GPR39: variants seen among roughly 807,000 people sequenced by gnomAD.
GPR39 encodes G protein-coupled receptor 39, also known as zinc sensing receptor.
Under a neutral mutation model 18.4 loss-of-function variants are expected in GPR39, and 23 were observed. That is an observed-to-expected ratio of 1.25 (90% CI 0.90 to 1.77). The LOEUF (loss-of-function observed/expected upper bound fraction) is 1.77, where lower values mean the gene tolerates loss of function less well. Ranked by LOEUF, GPR39 falls within the 40% of genes most tolerant of loss-of-function variation. The pLI, the probability that GPR39 is intolerant of heterozygous loss-of-function variation, is 0.00. For synonymous variants in GPR39, 280 were observed against 257.9 expected (o/e 1.09, Z -0.82); for missense variants, 647 against 602.4 (o/e 1.07, Z -0.78).
In GPR39 at chr2:132,645,448, G is replaced by A. The variant is rs757457244; in HGVS notation, c.1204G>A (p.Ala402Thr). The A allele has an allele frequency of 2.5e-6, 4 of 1,613,616 alleles. No individual in the cohort carries two copies. The African/African-American group carries it at 4.0e-5, about 16-fold the overall frequency. Reference protein sequence around the residue: ...LLFASRRQSSARRTEKIFLST... With the variant: ...LLFASRRQSSTRRTEKIFLST... Reference sequence around the variant, plus strand: ...CTTCGCGTCCCGGCGCCAGTCCTCTGCAAGGAGAACTGAGAAGATTTTCTT... The same window carrying A: ...CTTCGCGTCCCGGCGCCAGTCCTCTACAAGGAGAACTGAGAAGATTTTCTT... Residue 402 changes from alanine (A) to threonine (T), a missense_variant, in exon 2 of 2, where the codon GCA becomes ACA. This residue lies in a region of GPR39 where 581 missense variants were observed against 506.8 expected (regional missense o/e 1.15). Transcript: ENST00000329321.
Position 132,489,030 on chromosome 2 carries a change from C to G in GPR39, c.856+71132C>G, listed in dbSNP as rs142321368. 162 of 176,342 alleles carry G rather than the reference C, an allele frequency of 9.2e-4. 2 individuals are homozygous for G. The highest frequency in any genetic ancestry group is 3.6e-3 in the African/African-American group (150 of 41,520). The allele number at this position is 176,342 out of a possible 1,614,324, so 10.9% of individuals were successfully genotyped here. On this transcript the variant is annotated intron_variant, in intron 1 of 1. Transcript: ENST00000329321. ...TGGTTGCAGCCTGCTCCACGTTTAC[C>G]TCTTTGACCTGGAATTCCACCAGGG...
At chr2:132,544,579 C>T (rs1270439553) in intron 1 of GPR39, among the ~76,000 whole-genome samples, 1 of 152,246 alleles carries the variant, frequency 6.6e-6, no homozygotes, top group Non-Finnish European at 1.5e-5. Flanking sequence ...GGTACTCCAC[C>T]CACTTGGCCT....
chr2:132,419,145 C>A (rs1558793251), intron 1 of GPR39, among the ~76,000 whole-genome samples: 1 of 152,188 alleles, frequency 6.6e-6, no homozygotes, highest in African/African-American at 2.4e-5. Context: ...TCAAAGTACT[C>A]AGAGGCAGCC....
chr2:132,509,252 G>A (rs555253276), intron 1 of GPR39, among the ~76,000 whole-genome samples: 5 of 152,110 alleles, frequency 3.3e-5, no homozygotes, highest in African/African-American at 9.6e-5. Context: ...TGGGTTTTAG[G>A]GAAACAAACA....
At chr2:132,437,931 G>A (rs539601150) in intron 1 of GPR39, among the ~76,000 whole-genome samples, 1 of 152,324 alleles carries the variant, frequency 6.6e-6, no homozygotes, top group South Asian at 2.1e-4. Context: ...CCTGCAGCCT[G>A]AGTGATATTA....
chr2:132,601,941 T>C (rs754026856), intron 1 of GPR39, among the ~76,000 whole-genome samples: 3 of 151,894 alleles, frequency 2.0e-5, no homozygotes, highest in African/African-American at 7.3e-5. Context: ...CCCATGCTCA[T>C]GGATTAAAAG....
intron 1 of GPR39, among the ~76,000 whole-genome samples, chr2:132,492,515 CAT>C (rs1232936171): frequency 2.3e-4 from 25 of 111,066 alleles, no homozygotes; most frequent in South Asian, 7.2e-4. Flanking sequence ...CCATATATAC[CAT>C]ATATATACAC....
At position 132,473,030 on chromosome 2, in the gene GPR39, C is replaced by A. The variant is rs548011853; in HGVS notation, c.856+55132C>A. Among the ~76,000 whole-genome samples, 13 of 152,230 alleles carry A rather than the reference C, an allele frequency of 8.5e-5. No individual in the cohort carries two copies. In the South Asian group the frequency reaches 2.5e-3, roughly 29 times the overall value. On this transcript the variant is annotated intron_variant, in intron 1 of 1. Transcript: ENST00000329321. Reference sequence around the variant, plus strand: ...GCAACATACAGGTCAAGTAGCTGGGCAGCTTGTGCCACTGCCTGAACCTGC... The same window carrying A: ...GCAACATACAGGTCAAGTAGCTGGGAAGCTTGTGCCACTGCCTGAACCTGC...
chr2:132,463,858 G>A (rs976019694), intron 1 of GPR39, among the ~76,000 whole-genome samples: 3 of 152,192 alleles, frequency 2.0e-5, no homozygotes, highest in Non-Finnish European at 2.9e-5. Context: ...TGGAATATCC[G>A]AGATGGGCTC....
In GPR39 at chr2:132,417,754, G is replaced by T. The variant is rs750516140; in HGVS notation, c.712G>T (p.Val238Leu). 1.2e-6 allele frequency: 2 copies of T among 1,614,118 alleles called. No individual in the cohort carries two copies. Among genetic ancestry groups the T allele is most frequent in the Non-Finnish European group, 1.7e-6 (2 of 1,180,026 alleles). Residue 238 changes from valine to leucine, a missense_variant, in exon 1 of 2, where the codon GTA (valine) becomes TTA (leucine). Around this residue, in one of 3 missense-constraint regions of GPR39, gnomAD observed 581 missense variants for 506.8 expected, o/e 1.15. Transcript: ENST00000329321. ...GGTCTACCTCGTGGTCCTGCTCTCC[G>T]TAGCCTTCATGTGCTGGAACATGAT... ...FVVYLVVLLS[V>L]AFMCWNMMQV...
intron 1 of GPR39, among the ~76,000 whole-genome samples, chr2:132,536,730 G>A (rs1679763495): frequency 6.6e-6 from 1 of 152,174 alleles, no homozygotes. Context: ...CTAAGAACTT[G>A]TTTTATGAAT....
chr2:132,645,591 G>A lies in GPR39; in HGVS notation c.1347G>A (p.Gln449=). 6.2e-7 allele frequency: 1 copy of A among 1,611,356 alleles called. No homozygotes were observed. Among genetic ancestry groups the A allele is most frequent in the African/African-American group, 1.3e-5 (1 of 74,814 alleles). ...PANSAAENGF[Q]EHEV is the part of the protein sequence containing the mutation. ...ATTCTGCTGCAGAGAATGGTTTTCA[G>A]GAGCATGAAGTTTGAATGTCAAGCG... Residue 449 remains glutamine, a synonymous_variant, in exon 2 of 2, where the codon CAG becomes CAA. Transcript: ENST00000329321.
At chr2:132,601,480 A>G (rs1164103700) in intron 1 of GPR39, among the ~76,000 whole-genome samples, 3 of 152,190 alleles carry the variant, frequency 2.0e-5, no homozygotes, top group Non-Finnish European at 4.4e-5. Flanking sequence ...AATAAAAGCC[A>G]TATATGACAG....
intron 1 of GPR39, among the ~76,000 whole-genome samples, chr2:132,538,925 C>G (rs1573655020): frequency 6.6e-6 from 1 of 152,170 alleles, no homozygotes; most frequent in South Asian, 2.1e-4. Flanking sequence ...CCAAACTTGA[C>G]CATCCCAGTC....
intron 1 of GPR39, among the ~76,000 whole-genome samples, chr2:132,442,726 T>C (rs768946396): frequency 2.0e-5 from 3 of 152,230 alleles, no homozygotes; most frequent in Non-Finnish European, 2.9e-5. Context: ...TAATGAACTG[T>C]GGTTTCACAG....
intron 1 of GPR39, among the ~76,000 whole-genome samples, chr2:132,597,915 T>TCA (rs1273061438): frequency 6.6e-6 from 1 of 152,148 alleles, no homozygotes; most frequent in Non-Finnish European, 1.5e-5. Flanking sequence ...ATACCCAAAG[T>TCA]CTAGTACCCA....
chr2:132,554,581 T>TC (rs1230333466), intron 1 of GPR39, among the ~76,000 whole-genome samples: 1 of 152,094 alleles, frequency 6.6e-6, no homozygotes, highest in African/African-American at 2.4e-5. Flanking sequence ...CAGCCCTGGG[T>TC]CCCCAGCTGA....
intron 1 of GPR39, among the ~76,000 whole-genome samples, chr2:132,535,712 G>A (rs1553454958): frequency 2.0e-5 from 1 of 49,022 alleles, no homozygotes; most frequent in African/African-American, 8.5e-5. Context: ...TTTTTGGTTG[G>A]TAGGCTATTA....
chr2:132,631,205 G>T (rs887796197), intron 1 of GPR39, among the ~76,000 whole-genome samples: 2 of 152,136 alleles, frequency 1.3e-5, no homozygotes, highest in Non-Finnish European at 1.5e-5. Flanking sequence ...ATTAAAGCAG[G>T]ATGTTCTCAT....
Sources: allele counts gnomAD v4.1 joint callset (sites outside exome capture counted in the v4.1 genomes callset), GRCh38; gene constraint gnomAD v4.1.1; regional missense constraint gnomAD v4.1.1; transcripts MANE v1.5; gene names NCBI Gene and HGNC (gene_info 2026-07-23, HGNC 2026-07-21).